L1TD1: variants seen among roughly 807,000 people sequenced by gnomAD.
L1TD1 encodes LINE1 type transposase domain containing 1, also known as LINE-1 type transposase domain-containing protein 1.
In L1TD1, 26 loss-of-function variants were observed where a neutral mutation model predicts 25.7. That is an observed-to-expected ratio of 1.01 (90% confidence interval 0.74 to 1.40). L1TD1 has a LOEUF of 1.40. Ranked by LOEUF, L1TD1 falls within the 40% of genes most tolerant of loss-of-function variation. The pLI, the probability that L1TD1 is intolerant of heterozygous loss-of-function variation, is 0.00. For missense variants in L1TD1, 1,130 were observed against 975.0 expected (o/e 1.16, Z -2.12); for synonymous variants, 421 against 335.6 (o/e 1.25, Z -2.78).
At chr1:62,195,748 C>G (rs1670523610) in intron 1 of L1TD1, among the ~76,000 whole-genome samples, 1 of 148,494 alleles carries the variant, frequency 6.7e-6, no homozygotes, top group African/African-American at 2.5e-5. Flanking sequence ...GCGAAACTGT[C>G]TCAAATAAAA....
At position 62,209,837 on chromosome 1, in the gene L1TD1, T is replaced by C. The variant is rs565717936; in HGVS notation, c.1063T>C (p.Leu355=). 6.2e-7 allele frequency: 1 copy of C among 1,613,590 alleles called. No individual in the cohort carries two copies. Among genetic ancestry groups the C allele is most frequent in the Admixed American group, 1.7e-5 (1 of 59,916 alleles). ...HRAGEITSDG[L]SFLFLKEVKV... ...AGCTGGAGAAATAACCAGTGATGGCTTGAGCTTCCTATTTCTTAAAGAAGT... is the reference window on the plus strand; with the variant it reads ...AGCTGGAGAAATAACCAGTGATGGCCTGAGCTTCCTATTTCTTAAAGAAGT... Residue 355 remains leucine (L), a synonymous_variant, in exon 4 of 4, where the codon TTG becomes CTG. Coordinates refer to ENST00000498273, the MANE Select transcript of L1TD1 (RefSeq NM_019079.5).
At chr1:62,201,073 T>C (rs4915800) in intron 2 of L1TD1, among the ~76,000 whole-genome samples, 134,452 of 151,912 alleles carry the variant, frequency 0.89, 59,734 homozygotes, top group African/African-American at 0.95. Flanking sequence ...GGATTACAGG[T>C]GCCCGCCATC....
In L1TD1 at chr1:62,212,224, G is replaced by GA. The variant is rs1670891450; in HGVS notation, c.*855dup. 1 of 151,902 alleles carries GA rather than the reference G, an allele frequency of 6.6e-6. No homozygotes were observed. The highest frequency in any genetic ancestry group is 2.1e-4 in the South Asian group (1 of 4,820). 9.4% of individuals were successfully genotyped at this position (151,902 alleles called of 1,614,324 possible). ...TCAAGGCCATCCTGGGCAATGTGGC[G>GA]AAAGTGTCTACAAAAAAATACAAAA... On this transcript the variant is annotated 3_prime_UTR_variant, in exon 4 of 4. Transcript: ENST00000498273.
chr1:62,210,292 AAAAG>A lies in L1TD1; in HGVS notation c.1522_1525del (p.Glu508PhefsTer16). ...CTGAGAAAAAAGCCTCACGTAGACA[AAAAG>A]AAATTCCCTTTAGTTATTTGGTTGG... is the stretch of plus-strand genomic sequence containing the variant. On this transcript the variant is annotated frameshift_variant, in exon 4 of 4. Coordinates refer to ENST00000498273, the MANE Select transcript of L1TD1 (RefSeq NM_019079.5). LOFTEE classifies it low-confidence loss of function (END_TRUNC). The A allele has an allele frequency of 1.9e-6, 3 of 1,614,156 alleles. No homozygotes were observed. Among genetic ancestry groups the A allele is most frequent in the Non-Finnish European group, 2.5e-6 (3 of 1,180,020 alleles).
rs757881797 is a variant in L1TD1 at position 62,206,614 on chromosome 1, G to C, written c.-15G>C. ...GGAATTAAAAACAGAATCCAGTCTT[G>C]ACAACATATCCACAATGTCTGATGT... On this transcript the variant is annotated 5_prime_UTR_variant, in exon 3 of 4. Coordinates refer to ENST00000498273, the MANE Select transcript of L1TD1 (RefSeq NM_019079.5). 2 of 1,472,604 alleles carry C rather than the reference G, an allele frequency of 1.4e-6. No individual in the cohort carries two copies. The highest frequency in any genetic ancestry group is 2.6e-5 in the Admixed American group (1 of 38,048). The allele number at this position is 1,472,604 out of a possible 1,614,324, so 91.2% of individuals were successfully genotyped here.
rs1670870377 is a variant in L1TD1, at chr1:62,211,462, A to G, written c.*90A>G. 4 of 1,504,266 alleles carry G rather than the reference A, an allele frequency of 2.7e-6. No individual in the cohort carries two copies. The highest frequency in any genetic ancestry group is 2.3e-5 in the Admixed American group (1 of 43,098). The allele number at this position is 1,504,266 out of a possible 1,614,324, so 93.2% of individuals were successfully genotyped here. A position where few individuals can be genotyped will look rare whatever the true frequency, so the allele number is the denominator to read the frequency against. On this transcript the variant is annotated 3_prime_UTR_variant, in exon 4 of 4. Transcript: ENST00000498273. ...AAAACGAAAATACACTTCTACCCAG[A>G]AGGATGGACAGCTAATAGCGTACTT...
At chr1:62,205,428 TATATA>T (rs1242619959) in intron 2 of L1TD1, among the ~76,000 whole-genome samples, 7 of 71,038 alleles carry the variant, frequency 9.9e-5, no homozygotes, top group African/African-American at 3.0e-4. Flanking sequence ...TATATATATA[TATATA>T]TATATATATA....
rs61775722 is a variant in L1TD1, at chr1:62,212,063, A to G, written c.*691A>G. The G allele has an allele frequency of 0.048, 7,326 of 152,268 alleles. 510 individuals carry two copies. The highest frequency in any genetic ancestry group is 0.36 in the East Asian group (1,830 of 5,152). The allele number at this position is 152,268 out of a possible 1,614,324, so 9.4% of individuals were successfully genotyped here. ...GATAACCTGTCAATGTAGTAGGAAA[A>G]CAGGAGGGGACAGTAACAGAAAAGC... On this transcript the variant is annotated 3_prime_UTR_variant, in exon 4 of 4. Coordinates refer to ENST00000498273, the MANE Select transcript of L1TD1 (RefSeq NM_019079.5).
rs757881797 is a variant in L1TD1 at position 62,206,614 on chromosome 1, G to A, written c.-15G>A. 2.1e-5 allele frequency: 31 copies of A among 1,472,602 alleles called. No individual in the cohort carries two copies. The South Asian group carries it at 4.0e-4, about 19-fold the overall frequency. 91.2% of individuals were successfully genotyped at this position (1,472,602 alleles called of 1,614,324 possible). A position where few individuals can be genotyped will look rare whatever the true frequency, so the allele number is the denominator to read the frequency against. On this transcript the variant is annotated 5_prime_UTR_variant, in exon 3 of 4. Transcript: ENST00000498273. ...GGAATTAAAAACAGAATCCAGTCTTGACAACATATCCACAATGTCTGATGT... is the reference window on the plus strand; with the variant it reads ...GGAATTAAAAACAGAATCCAGTCTTAACAACATATCCACAATGTCTGATGT...
At position 62,197,433 on chromosome 1, in the gene L1TD1, A is replaced by ATATATATATATG. The variant is rs1174042182; in HGVS notation, c.-111+905_-111+906insTATATATATATG. Among the ~76,000 whole-genome samples, 71 of 138,428 alleles carry ATATATATATATG rather than the reference A, an allele frequency of 5.1e-4. 1 individual carries two copies. The highest frequency in any genetic ancestry group is 5.1e-4 in the Non-Finnish European group (33 of 64,092). The allele number at this position is 138,428 out of a possible 152,430, so 90.8% of individuals were successfully genotyped here. A position where few individuals can be genotyped will look rare whatever the true frequency, so the allele number is the denominator to read the frequency against. On this transcript the variant is annotated intron_variant, in intron 2 of 3. Coordinates refer to ENST00000498273, the MANE Select transcript of L1TD1 (RefSeq NM_019079.5). ...TATATATATATATATATATATATAT[A>ATATATATATATG]GTTTAGTCCTGCTACTCAATCTTGT...
At chr1:62,200,267 C>T (rs1347377243) in intron 2 of L1TD1, among the ~76,000 whole-genome samples, 1 of 152,100 alleles carries the variant, frequency 6.6e-6, no homozygotes, top group African/African-American at 2.4e-5. Flanking sequence ...ACCTCCGCCT[C>T]CCGCATTCAA....
intron 3 of L1TD1, among the ~76,000 whole-genome samples, chr1:62,208,642 C>G (rs1260825367): frequency 1.3e-5 from 2 of 152,074 alleles, no homozygotes; most frequent in African/African-American, 4.8e-5. Flanking sequence ...CCACACCCAG[C>G]TAATTTTTGT....
downstream of L1TD1, chr1:62,212,328 ATACTG>A (rs1670894286): frequency 6.6e-6 from 1 of 152,200 alleles, no homozygotes; most frequent in Admixed American, 6.5e-5. Context: ...TTTCCTTTGA[ATACTG>A]TATACTGTTT....
At chr1:62,205,913 G>A (rs996029812) in intron 2 of L1TD1, among the ~76,000 whole-genome samples, 2 of 151,244 alleles carry the variant, frequency 1.3e-5, no homozygotes, top group Admixed American at 1.3e-4. Context: ...TTATTTTTTT[G>A]TAGAGACAGG....
At position 62,211,262 on chromosome 1, in the gene L1TD1, G is replaced by T; in HGVS notation, c.2488G>T (p.Ala830Ser). 1 of 1,604,750 alleles carries T rather than the reference G, an allele frequency of 6.2e-7. No individual in the cohort carries two copies. The highest frequency in any genetic ancestry group is 8.5e-7 in the Non-Finnish European group (1 of 1,175,000). The change falls in exon 4 of 4, where the codon GCA (alanine) becomes TCA (serine). Residue 830 changes from alanine to serine, a missense_variant. Ala to Ser is a moderately conservative substitution (Grantham distance 99). Coordinates refer to ENST00000498273, the MANE Select transcript of L1TD1 (RefSeq NM_019079.5). ...TAGAATCCTATATCCAGCCAAAATG[G>T]CATTTGATTTTAGGGGTAAAACAAA... ...NPRILYPAKM[A>S]FDFRGKTKVF...
chr1:62,204,015 C>T (rs761044796), intron 2 of L1TD1, among the ~76,000 whole-genome samples: 3 of 152,178 alleles, frequency 2.0e-5, no homozygotes, highest in Admixed American at 6.5e-5. Flanking sequence ...TGTGAGTCGC[C>T]GTGCCTGGCC....
chr1:62,209,692 A>G, intron 3 of L1TD1, 91 bp from the exon 4 acceptor site: 1 of 1,106,470 alleles, frequency 9.0e-7, no homozygotes, highest in Admixed American at 3.1e-5. Flanking sequence ...TTGAAGCCAT[A>G]TTAAAATTAG....
intron 2 of L1TD1, among the ~76,000 whole-genome samples, chr1:62,200,135 T>C (rs941788784): frequency 7.2e-5 from 11 of 151,922 alleles, no homozygotes; most frequent in African/African-American, 2.7e-4. Flanking sequence ...ATATAGAGTA[T>C]ATATATCATA....
intron 2 of L1TD1, among the ~76,000 whole-genome samples, chr1:62,205,417 CTATATATA>C (rs776188584): frequency 2.3e-4 from 5 of 21,808 alleles, no homozygotes; most frequent in East Asian, 2.1e-3. Flanking sequence ...CTCTCTCTCT[CTATATATA>C]TATATATATA....
Sources: allele counts gnomAD v4.1 joint callset (sites outside exome capture counted in the v4.1 genomes callset), GRCh38; gene constraint gnomAD v4.1.1; transcripts MANE v1.5; gene names NCBI Gene and HGNC (gene_info 2026-07-23, HGNC 2026-07-21).